RPS27A: variants seen among roughly 807,000 people sequenced by gnomAD.
RPS27A encodes ubiquitin-ribosomal protein eS31 fusion protein.
Under a neutral mutation model 18.9 loss-of-function variants are expected in RPS27A, and 1 was observed. That is an observed-to-expected ratio of 0.05 (90% CI 0.02 to 0.25). The LOEUF (loss-of-function observed/expected upper bound fraction) is 0.25. Ranked by LOEUF, RPS27A falls within the 10% of genes least tolerant of loss-of-function variation. The pLI is 1.00. For synonymous variants in RPS27A, 77 were observed against 63.7 expected (o/e 1.21, Z -0.99); for missense variants, 123 against 187.4 (o/e 0.66, Z 2.01).
At chr2:55,233,888 C>G in intron 3 of RPS27A, 1 of 588,354 alleles carries the variant, frequency 1.7e-6, no homozygotes, top group Non-Finnish European at 3.1e-6. Context: ...CCTCGACCTC[C>G]CAAAGTATTG....
In RPS27A at chr2:55,233,882, G is replaced by T; in HGVS notation, c.104-237G>T. 3.5e-6 allele frequency: 2 copies of T among 576,148 alleles called. 1 individual carries two copies. The highest frequency in any genetic ancestry group is 4.1e-5 in the South Asian group (2 of 48,868). 35.7% of individuals were successfully genotyped at this position (576,148 alleles called of 1,614,324 possible). Reference sequence around the variant, plus strand: ...TCACATCAAGTGATCTGCCCACCTCGACCTCCCAAAGTATTGGTATTACAG... The same window carrying T: ...TCACATCAAGTGATCTGCCCACCTCTACCTCCCAAAGTATTGGTATTACAG... On this transcript the variant is annotated intron_variant, in intron 3 of 5. Coordinates refer to ENST00000272317, the MANE Select transcript of RPS27A (RefSeq NM_002954.6).
Position 55,234,920 on chromosome 2 carries a change from C to T in RPS27A, c.279C>T (p.His93=). ...KSYTTPKKNK[H]KRKKVKLAVL... is the part of the protein sequence containing the mutation. ...ACACCACTCCCAAGAAGAATAAGCA[C>T]AAGAGAAAGAAGGTTAAGCTGGCTG... Residue 93 remains histidine, a synonymous_variant, in exon 5 of 6, where the codon CAC becomes CAT. Transcript: ENST00000272317. The T allele has an allele frequency of 6.2e-7, 1 of 1,613,296 alleles. No individual in the cohort carries two copies. Among genetic ancestry groups the T allele is most frequent in the Non-Finnish European group, 8.5e-7 (1 of 1,179,822 alleles).
rs1415302184 is a variant in RPS27A at position 55,235,736 on chromosome 2, C to T, written c.*159C>T. 3.8e-5 allele frequency: 32 copies of T among 842,124 alleles called. No individual in the cohort carries two copies. In the East Asian group the frequency reaches 8.1e-4, roughly 21 times the overall value. 52.2% of individuals were successfully genotyped at this position (842,124 alleles called of 1,614,324 possible). On this transcript the variant is annotated 3_prime_UTR_variant, in exon 6 of 6. Coordinates refer to ENST00000272317, the MANE Select transcript of RPS27A (RefSeq NM_002954.6). Reference sequence around the variant, plus strand: ...ATGTTGCCTCTGGGGATTATGTGACCCAGTGGTTCTGTATACCTGCCAGGT... The same window carrying T: ...ATGTTGCCTCTGGGGATTATGTGACTCAGTGGTTCTGTATACCTGCCAGGT...
intron 5 of RPS27A, 52 bp downstream of exon 5, chr2:55,235,014 A>T (rs1675718246): frequency 1.3e-6 from 2 of 1,595,704 alleles, no homozygotes; most frequent in African/African-American, 2.7e-5. Context: ...TATTTGGAAA[A>T]CTTAATCTTT....
chr2:55,234,673 G>T, intron 4 of RPS27A, 158 bp from the exon 5 acceptor site: 1 of 800,388 alleles, frequency 1.2e-6, no homozygotes. Flanking sequence ...CCTATAAACT[G>T]TCAGTTAAGA....
intron 3 of RPS27A, chr2:55,233,792 C>T (rs945934476): frequency 4.0e-5 from 19 of 472,606 alleles, no homozygotes; most frequent in African/African-American, 3.5e-4. Context: ...CCATGCCTGG[C>T]TAATTTATTG....
intron 1 of RPS27A, 33 bp downstream of exon 1, chr2:55,232,741 A>T: frequency 7.9e-7 from 1 of 1,271,916 alleles, no homozygotes; most frequent in South Asian, 1.3e-5. Context: ...CTCTCGGGTT[A>T]GCACCCTATG....
In RPS27A at chr2:55,235,499, T is replaced by G. The variant is rs137921682; in HGVS notation, c.393T>G (p.Phe131Leu). The change falls in exon 6 of 6, where the codon TTT becomes TTG. Residue 131 changes from phenylalanine to leucine, a missense_variant. By Grantham distance (22) the Phe-to-Leu change is conservative. Around this residue, in one of 2 missense-constraint regions of RPS27A, gnomAD observed 57 missense variants for 114.8 expected, o/e 0.50. Transcript: ENST00000272317. ...CPSDECGAGV[F>L]MASHFDRHYC... Reference sequence around the variant, plus strand: ...CTGATGAATGTGGTGCTGGGGTGTTTATGGCAAGTCACTTTGACAGACATT... The same window carrying G: ...CTGATGAATGTGGTGCTGGGGTGTTGATGGCAAGTCACTTTGACAGACATT... The G allele has an allele frequency of 6.2e-7, 1 of 1,611,434 alleles. No individual in the cohort carries two copies. Among genetic ancestry groups the G allele is most frequent in the South Asian group, 1.1e-5 (1 of 91,000 alleles).
rs1675564189 is a variant in RPS27A, at chr2:55,233,058, A to G, written c.48+186A>G. Reference sequence around the variant, plus strand: ...GTGATTTTCGGTGGCCAAAGGCTGGACCTGTCTCCTCTCGAGGGGTTCCAG... The same window carrying G: ...GTGATTTTCGGTGGCCAAAGGCTGGGCCTGTCTCCTCTCGAGGGGTTCCAG... On this transcript the variant is annotated intron_variant, in intron 2 of 5. Transcript: ENST00000272317. 4 of 682,284 alleles carry G rather than the reference A, an allele frequency of 5.9e-6. No individual in the cohort carries two copies. The South Asian group carries it at 6.7e-5, about 11-fold the overall frequency. The allele number at this position is 682,284 out of a possible 1,614,324, so 42.3% of individuals were successfully genotyped here. A position where few individuals can be genotyped will look rare whatever the true frequency, so the allele number is the denominator to read the frequency against.
chr2:55,235,274 G>T, intron 5 of RPS27A, 154 bp from the exon 6 acceptor site: 1 of 859,008 alleles, frequency 1.2e-6, no homozygotes, highest in Non-Finnish European at 1.9e-6. Flanking sequence ...TTTCATTGTA[G>T]CAATGATAAC....
At position 55,233,818 on chromosome 2, in the gene RPS27A, C is replaced by T. The variant is rs112332571; in HGVS notation, c.104-301C>T. ...TAATTTATTGTATTTTTAGTAGAGA[C>T]TGGGTTTTACCTTGTTGGCCAGGCT... On this transcript the variant is annotated intron_variant, in intron 3 of 5. Coordinates refer to ENST00000272317, the MANE Select transcript of RPS27A (RefSeq NM_002954.6). The T allele has an allele frequency of 8.6e-4, 429 of 496,696 alleles. 2 individuals carry two copies. The highest frequency in any genetic ancestry group is 7.6e-3 in the African/African-American group (396 of 51,812). The allele number at this position is 496,696 out of a possible 1,614,324, so 30.8% of individuals were successfully genotyped here.
upstream of RPS27A, chr2:55,232,655 C>T: frequency 1.7e-5 from 12 of 709,886 alleles, 1 homozygote; most frequent in South Asian, 1.5e-4. Flanking sequence ...GCGGGAGCTC[C>T]GGGAAACCCC....
In RPS27A at chr2:55,233,297, A is replaced by G. The variant is rs1573827097; in HGVS notation, c.49-66A>G. 3 of 1,352,454 alleles carry G rather than the reference A, an allele frequency of 2.2e-6. No homozygotes were observed. The East Asian group carries it at 6.9e-5, about 31-fold the overall frequency. The allele number at this position is 1,352,454 out of a possible 1,614,324, so 83.8% of individuals were successfully genotyped here. A position where few individuals can be genotyped will look rare whatever the true frequency, so the allele number is the denominator to read the frequency against. On this transcript the variant is annotated intron_variant, in intron 2 of 5. Coordinates refer to ENST00000272317, the MANE Select transcript of RPS27A (RefSeq NM_002954.6). ...TGGTTCGGTTCAGTGGTAATTGTCA[A>G]ACTAAATGAGTTCTGCTGTAGTTCC...
chr2:55,234,083 G>A (rs1405779349), intron 3 of RPS27A, 36 bp from the exon 4 acceptor site: 64 of 1,354,314 alleles, frequency 4.7e-5, no homozygotes, highest in Non-Finnish European at 6.4e-5. Context: ...CACAGGCTTG[G>A]TGTGCTGTGA....
chr2:55,234,836 T>C lies in RPS27A; in HGVS notation c.195T>C (p.Ser65=). ...CTTCATTCTTCCATTAACAGGAGTC[T>C]ACTCTTCATCTTGTGTTGAGACTTC... The part of the protein sequence containing the change: ...TLSDYNIQKE[S]TLHLVLRLRG... Residue 65 remains serine (S), a synonymous_variant, in exon 5 of 6, where the codon TCT becomes TCC. Coordinates refer to ENST00000272317, the MANE Select transcript of RPS27A (RefSeq NM_002954.6). 6.2e-7 allele frequency: 1 copy of C among 1,612,222 alleles called. No homozygotes were observed. The highest frequency in any genetic ancestry group is 1.1e-5 in the South Asian group (1 of 90,992).
At chr2:55,233,304 TG>T in intron 2 of RPS27A, 58 bp from the exon 3 acceptor site, 1 of 1,378,938 alleles carries the variant, frequency 7.3e-7, no homozygotes, top group Non-Finnish European at 1.0e-6. Context: ...TCAAACTAAA[TG>T]AGTTCTGCTG....
intron 2 of RPS27A, 104 bp downstream of exon 2, chr2:55,232,976 T>C (rs1004270138): frequency 1.0e-6 from 1 of 992,832 alleles, no homozygotes; most frequent in South Asian, 1.4e-5. Context: ...ATTCCGAATT[T>C]GGGTTCTAAA....
At chr2:55,235,204 T>G in intron 5 of RPS27A, 1 of 691,116 alleles carries the variant, frequency 1.4e-6, no homozygotes. Context: ...GGTCTTTACC[T>G]TTGTCTACCA....
chr2:55,234,686 C>A, intron 4 of RPS27A, 145 bp from the exon 5 acceptor site: 1 of 878,132 alleles, frequency 1.1e-6, no homozygotes, highest in Non-Finnish European at 1.8e-6. Context: ...AGTTAAGAAT[C>A]TGATACTTTA....
Sources: gnomAD v4.1 joint callset for allele counts on GRCh38, gnomAD v4.1.1 for gene constraint, gnomAD v4.1.1 regional missense constraint, MANE v1.5 for transcripts, NCBI Gene and HGNC (gene_info 2026-07-23, HGNC 2026-07-21) for gene names.